The following RABGAP1L variants were observed in gnomAD, a reference collection of about 807,000 sequenced individuals.
RABGAP1L encodes the protein rab GTPase-activating protein 1-like.
A neutral mutation model predicts 137.7 loss-of-function variants in RABGAP1L; 63 were observed. The ratio of observed to expected loss-of-function variants is 0.46; its 90% CI spans 0.37 to 0.56. RABGAP1L has a LOEUF of 0.56. Among genes scored for constraint, RABGAP1L ranks in the 20% least tolerant of loss-of-function variants. RABGAP1L has a pLI of 0.00. For synonymous variants in RABGAP1L, 431 were observed against 433.7 expected (o/e 0.99, Z 0.08); for missense variants, 1,095 against 1,244.0 (o/e 0.88, Z 1.80).
intron 1 of RABGAP1L, among the ~76,000 whole-genome samples, chr1:174,160,290 T>G (rs994979957): frequency 1.3e-5 from 2 of 152,170 alleles, no homozygotes; most frequent in African/African-American, 2.4e-5. Context: ...CCCACCCACC[T>G]TGTGAGTGCT....
intron 13 of RABGAP1L, among the ~76,000 whole-genome samples, chr1:174,475,225 C>T (rs967415225): frequency 6.6e-6 from 1 of 152,168 alleles, no homozygotes; most frequent in Non-Finnish European, 1.5e-5. Context: ...CTGATAAACT[C>T]CTAGGTGCTG....
chr1:174,449,448 C>G (rs1655181421), intron 13 of RABGAP1L, among the ~76,000 whole-genome samples: 1 of 152,098 alleles, frequency 6.6e-6, no homozygotes, highest in South Asian at 2.1e-4. Context: ...AAAAATTAAG[C>G]ACTGAGATGA....
At chr1:174,615,108 T>C (rs182955281) in intron 13 of RABGAP1L, among the ~76,000 whole-genome samples, 23 of 152,326 alleles carry the variant, frequency 1.5e-4, no homozygotes, top group Non-Finnish European at 2.5e-4. Context: ...CTGCTTTGTT[T>C]CGTTGCTGGT....
intron 17 of RABGAP1L, among the ~76,000 whole-genome samples, chr1:174,711,844 C>G (rs1042334104): frequency 1.3e-5 from 2 of 152,212 alleles, no homozygotes; most frequent in African/African-American, 4.8e-5. Flanking sequence ...ACAGGATCCA[C>G]TAGGCGAAGC....
At chr1:174,775,541 G>A (rs1164107648) in intron 18 of RABGAP1L, among the ~76,000 whole-genome samples, 1 of 152,030 alleles carries the variant, frequency 6.6e-6, no homozygotes, top group Non-Finnish European at 1.5e-5. Flanking sequence ...TCGAACTCCC[G>A]ACCTCAGGAG....
intron 11 of RABGAP1L, among the ~76,000 whole-genome samples, chr1:174,348,216 C>T (rs1232387122): frequency 6.6e-6 from 1 of 150,566 alleles, no homozygotes; most frequent in South Asian, 2.1e-4. Flanking sequence ...TATCTTATAA[C>T]CCACTATTTT....
intron 1 of RABGAP1L, among the ~76,000 whole-genome samples, chr1:174,215,998 A>G (rs1483241891): frequency 6.6e-6 from 1 of 152,208 alleles, no homozygotes. Flanking sequence ...TTGCAGCAAC[A>G]TGGATGAAAG....
chr1:174,589,815 T>C (rs904084967), intron 13 of RABGAP1L, among the ~76,000 whole-genome samples: 7 of 152,176 alleles, frequency 4.6e-5, no homozygotes, highest in Admixed American at 3.3e-4. Context: ...TCCATTGGTC[T>C]ATGTGTTTCT....
At chr1:174,771,731 G>T (rs1024515752) in intron 18 of RABGAP1L, among the ~76,000 whole-genome samples, 2 of 152,256 alleles carry the variant, frequency 1.3e-5, no homozygotes, top group East Asian at 3.9e-4. Context: ...TTGGATCTAT[G>T]TAAAAAAAAT....
At chr1:174,490,841 G>T (rs895282928) in intron 13 of RABGAP1L, among the ~76,000 whole-genome samples, 1 of 151,904 alleles carries the variant, frequency 6.6e-6, no homozygotes, top group African/African-American at 2.4e-5. Context: ...CTCAGCCCAC[G>T]GCCATCACCA....
intron 19 of RABGAP1L, among the ~76,000 whole-genome samples, chr1:174,936,162 T>G (rs1189005997): frequency 6.6e-6 from 1 of 152,114 alleles, no homozygotes; most frequent in Non-Finnish European, 1.5e-5. Flanking sequence ...TGATGATATT[T>G]ACCAAGGAAA....
intron 1 of RABGAP1L, among the ~76,000 whole-genome samples, chr1:174,198,444 A>G (rs888472740): frequency 1.3e-5 from 2 of 152,202 alleles, no homozygotes; most frequent in African/African-American, 4.8e-5. Context: ...GACACACAGT[A>G]AATAATCCCT....
chr1:174,273,928 G>A (rs549111026), intron 8 of RABGAP1L, among the ~76,000 whole-genome samples: 48 of 152,226 alleles, frequency 3.2e-4, no homozygotes, highest in Non-Finnish European at 5.1e-4. Context: ...GCAACAAATA[G>A]TTGGGCAAAT....
intron 14 of RABGAP1L, among the ~76,000 whole-genome samples, chr1:174,663,759 A>G (rs1395405807): frequency 6.6e-6 from 1 of 152,168 alleles, no homozygotes; most frequent in Non-Finnish European, 1.5e-5. Context: ...AATTTGAGTC[A>G]CCTGATGCAC....
At chr1:174,897,064 A>C in intron 19 of RABGAP1L, 1 of 152,156 alleles carries the variant, frequency 6.6e-6, no homozygotes, top group South Asian at 2.1e-4. Flanking sequence ...GATTCTTCCT[A>C]TCCATGAGCA....
At chr1:174,538,823 T>A (rs1665108539) in intron 13 of RABGAP1L, among the ~76,000 whole-genome samples, 1 of 152,206 alleles carries the variant, frequency 6.6e-6, no homozygotes, top group African/African-American at 2.4e-5. Flanking sequence ...ACCACATAGG[T>A]ATACATGTTT....
chr1:174,348,310 TTTC>T (rs1156326364), intron 11 of RABGAP1L, among the ~76,000 whole-genome samples: 8,492 of 146,804 alleles, frequency 0.058, 810 homozygotes, highest in African/African-American at 0.2. Context: ...TTGCCATTAC[TTTC>T]AATAGCAAAA....
chr1:174,822,590 A>G (rs1039029102), intron 19 of RABGAP1L, among the ~76,000 whole-genome samples: 2 of 152,158 alleles, frequency 1.3e-5, no homozygotes, highest in African/African-American at 2.4e-5. Flanking sequence ...CAATTTTTCC[A>G]TGGTGGAGGG....
intron 14 of RABGAP1L, among the ~76,000 whole-genome samples, chr1:174,670,815 T>A (rs1233674663): frequency 6.6e-6 from 1 of 152,214 alleles, no homozygotes; most frequent in Non-Finnish European, 1.5e-5. Flanking sequence ...CTGTGTTGCT[T>A]CCAAGTCTTG....
Sources: gnomAD v4.1 joint callset for allele counts (sites outside exome capture counted in the v4.1 genomes callset) on GRCh38, gnomAD v4.1.1 for gene constraint, MANE v1.5 for transcripts, NCBI Gene and HGNC (gene_info 2026-07-23, HGNC 2026-07-21) for gene names.